Variants in TIMD4 observed in about 807,000 individuals in gnomAD.
TIMD4 encodes the protein T cell immunoglobulin and mucin domain containing 4, also known as T-cell immunoglobulin and mucin domain-containing protein 4.
A neutral mutation model predicts 41.2 loss-of-function variants in TIMD4; 31 were observed. That is an observed-to-expected ratio of 0.75 (90% CI 0.57 to 1.01). The LOEUF is 1.01. Ranked by LOEUF, TIMD4 falls within the 50% of genes least tolerant of loss-of-function variation. The pLI, the probability that TIMD4 is intolerant of heterozygous loss-of-function variation, is 0.00. For synonymous variants in TIMD4, 204 were observed against 177.1 expected, an observed-to-expected ratio of 1.15 and a Z score of -1.21; for missense variants, 479 against 472.5, an observed-to-expected ratio of 1.01 and a Z score of -0.13.
chr5:156,933,547 G>C (rs1218997936), intron 5 of TIMD4, among the ~76,000 whole-genome samples: 2 of 23,942 alleles, frequency 8.4e-5, no homozygotes, highest in African/African-American at 1.5e-4. Flanking sequence ...TGAGAGTGTT[G>C]TTTTGTTTTG....
chr5:156,946,368 A>C (rs886610852), intron 5 of TIMD4, among the ~76,000 whole-genome samples: 1 of 152,204 alleles, frequency 6.6e-6, no homozygotes, highest in Non-Finnish European at 1.5e-5. Context: ...AGTGCAGGCC[A>C]AAGCGTCTTA....
At chr5:156,947,739 A>G (rs1561551541) in intron 5 of TIMD4, among the ~76,000 whole-genome samples, 1 of 152,248 alleles carries the variant, frequency 6.6e-6, no homozygotes, top group Non-Finnish European at 1.5e-5. Flanking sequence ...ATGTATTTCT[A>G]TAGCTATGTA....
chr5:156,935,136 G>T (rs1399113769), intron 5 of TIMD4, among the ~76,000 whole-genome samples: 1 of 151,496 alleles, frequency 6.6e-6, no homozygotes, highest in African/African-American at 2.4e-5. Flanking sequence ...ATCACAATCT[G>T]AATGTTTAAG....
At chr5:156,947,621 A>T (rs1462159893) in intron 5 of TIMD4, among the ~76,000 whole-genome samples, 1 of 152,260 alleles carries the variant, frequency 6.6e-6, no homozygotes, top group Non-Finnish European at 1.5e-5. Flanking sequence ...ATCTACATAG[A>T]TTAAAGAAGA....
intron 7 of TIMD4, among the ~76,000 whole-genome samples, chr5:156,921,527 G>C (rs1759238466): frequency 6.7e-6 from 1 of 149,172 alleles, no homozygotes; most frequent in South Asian, 2.1e-4. Flanking sequence ...GGCTGAGGCA[G>C]GAGAATCACT....
chr5:156,927,815 G>T (rs775824115), intron 5 of TIMD4, among the ~76,000 whole-genome samples: 11 of 152,116 alleles, frequency 7.2e-5, no homozygotes, highest in Non-Finnish European at 1.2e-4. Flanking sequence ...AGTGGAGAAG[G>T]GTAAGTCTAG....
At chr5:156,928,798 A>G (rs1484147500) in intron 5 of TIMD4, among the ~76,000 whole-genome samples, 2 of 152,194 alleles carry the variant, frequency 1.3e-5, no homozygotes, top group Non-Finnish European at 2.9e-5. Context: ...TCTCTCTGCA[A>G]TTATCCCCTA....
chr5:156,951,897 A>T (rs1417380953), intron 2 of TIMD4, 107 bp from the exon 3 acceptor site: 3 of 1,443,748 alleles, frequency 2.1e-6, no homozygotes, highest in Non-Finnish European at 2.8e-6. Flanking sequence ...CACCTGGTCC[A>T]CTGGCCTGGA....
chr5:156,920,240 T>C (rs1759210023), intron 8 of TIMD4, among the ~76,000 whole-genome samples: 1 of 152,220 alleles, frequency 6.6e-6, no homozygotes, highest in Admixed American at 6.5e-5. Context: ...TATACTTCTA[T>C]TAATCCCACC....
intron 5 of TIMD4, among the ~76,000 whole-genome samples, chr5:156,940,115 C>G (rs1316146001): frequency 6.6e-6 from 1 of 152,258 alleles, no homozygotes; most frequent in Non-Finnish European, 1.5e-5. Context: ...TGCCGCCAGG[C>G]CTGACTGGTT....
chr5:156,961,446 A>G (rs1753040870), intron 1 of TIMD4, among the ~76,000 whole-genome samples: 1 of 152,216 alleles, frequency 6.6e-6, no homozygotes. Flanking sequence ...TTACAGCACT[A>G]TGCACGATAG....
At chr5:156,938,479 TCTCCA>T (rs552941555) in intron 5 of TIMD4, among the ~76,000 whole-genome samples, 1 of 152,276 alleles carries the variant, frequency 6.6e-6, no homozygotes, top group African/African-American at 2.4e-5. Flanking sequence ...GATTAGATAA[TCTCCA>T]AGTTCAAGGT....
In TIMD4 at chr5:156,940,420, G is replaced by A. The variant is rs576842455; in HGVS notation, c.844+7996C>T. 7.0e-3 allele frequency among the ~76,000 whole-genome samples: 1,037 copies of A among 149,102 alleles called. 7 individuals carry two copies. Among genetic ancestry groups the A allele is most frequent in the Non-Finnish European group, 0.011 (757 of 67,354 alleles). ...GAGCGTCTCTGCCTGGCCGCCCATC[G>A]TCTGGGATGTGAGGAGCCCCTCTGC... On this transcript the variant is annotated intron_variant, in intron 5 of 8. Transcript: ENST00000274532.
chr5:156,951,419 C>T, intron 3 of TIMD4, 93 bp downstream of exon 3: 1 of 1,489,638 alleles, frequency 6.7e-7, no homozygotes, highest in Middle Eastern at 2.1e-4. Flanking sequence ...TACACGCACA[C>T]ACTCACACAC....
At chr5:156,923,449 TA>T (rs34472930) in intron 6 of TIMD4, among the ~76,000 whole-genome samples, 35,736 of 151,936 alleles carry the variant, frequency 0.24, 4,459 homozygotes, top group Admixed American at 0.33. Flanking sequence ...GCACCCGGCC[TA>T]AAAAAATTTT....
At chr5:156,963,059 G>T in intron 1 of TIMD4, 82 bp downstream of exon 1, 1 of 1,398,636 alleles carries the variant, frequency 7.1e-7, no homozygotes, top group Non-Finnish European at 1.0e-6. Context: ...GCTTCACTGA[G>T]GCCCAAACCA....
chr5:156,954,425 A>C lies in TIMD4; in HGVS notation c.390T>G (p.Asn130Lys), dbSNP rs1363948980. 6.2e-7 allele frequency: 1 copy of C among 1,613,184 alleles called. No individual in the cohort carries two copies. The highest frequency in any genetic ancestry group is 1.3e-5 in the African/African-American group (1 of 74,904). The change falls in exon 2 of 9, where the codon AAT becomes AAG. Residue 130 changes from asparagine (N) to lysine (K), a missense_variant. Transcript: ENST00000274532. ...FNDVKINVRL[N>K]LQRASTTTHR... Reference sequence around the variant, plus strand: ...CCTTCGTGTGCTTACCTCTCTGTAGATTCAGGCGCACGTTTATCTTTACAT... The same window carrying C: ...CCTTCGTGTGCTTACCTCTCTGTAGCTTCAGGCGCACGTTTATCTTTACAT...
intron 5 of TIMD4, among the ~76,000 whole-genome samples, chr5:156,929,979 A>G (rs1053356073): frequency 6.6e-6 from 1 of 152,086 alleles, no homozygotes; most frequent in African/African-American, 2.4e-5. Flanking sequence ...TTATTTATTT[A>G]TTTATTTTGG....
chr5:156,929,224 G>C (rs980923839), intron 5 of TIMD4, among the ~76,000 whole-genome samples: 2 of 152,230 alleles, frequency 1.3e-5, no homozygotes, highest in East Asian at 3.9e-4. Context: ...TGATTTCCAG[G>C]TTGTCTGTGT....
Sources: gnomAD v4.1 joint callset for allele counts (sites outside exome capture counted in the v4.1 genomes callset) on GRCh38, gnomAD v4.1.1 for gene constraint, MANE v1.5 for transcripts, NCBI Gene and HGNC (gene_info 2026-07-23, HGNC 2026-07-21) for gene names.